The following NFIC variants were observed in gnomAD, a reference collection of about 807,000 sequenced individuals.
NFIC encodes the protein nuclear factor I C.
NFIC carries 12 observed loss-of-function variants against 54.4 expected under a neutral mutation model. The observed-to-expected ratio is 0.22, with a 90% CI of 0.14 to 0.36. The LOEUF (loss-of-function observed/expected upper bound fraction) is 0.36, where lower values mean the gene tolerates loss of function less well. Among genes scored for constraint, NFIC ranks in the 10% least tolerant of loss-of-function variants. The probability of loss-of-function intolerance (pLI) is 1.00; values close to 1 mark genes in which losing one functional copy is unlikely to be tolerated. For missense variants in NFIC, 575 were observed against 718.2 expected (o/e 0.80, Z 2.28); for synonymous variants, 322 against 319.2 (o/e 1.01, Z -0.09).
chr19:3,418,093 T>C (rs575471603), intron 2 of NFIC, among the ~76,000 whole-genome samples: 2 of 150,648 alleles, frequency 1.3e-5, no homozygotes, highest in East Asian at 3.9e-4. Context: ...AATTTAATTT[T>C]CTTTTCTTTT....
chr19:3,422,665 C>T (rs982110907), intron 2 of NFIC, among the ~76,000 whole-genome samples: 8 of 151,482 alleles, frequency 5.3e-5, no homozygotes, highest in Middle Eastern at 3.2e-3. Context: ...TGCAGTGAGC[C>T]GAGATCATGC....
At chr19:3,439,591 G>A (rs933226775) in intron 6 of NFIC, among the ~76,000 whole-genome samples, 2 of 150,852 alleles carry the variant, frequency 1.3e-5, no homozygotes, top group Non-Finnish European at 3.0e-5. Flanking sequence ...GCAGTGAGCC[G>A]AGATTGTGCC....
chr19:3,443,178 AATCCCAGCACTTTGGG>A (rs947463106), intron 6 of NFIC, among the ~76,000 whole-genome samples: 1 of 152,224 alleles, frequency 6.6e-6, no homozygotes, highest in Non-Finnish European at 1.5e-5. Flanking sequence ...TCACACCTGT[AATCCCAGCACTTTGGG>A]AGGCCAAGGC....
chr19:3,388,819 C>T (rs893418223), intron 2 of NFIC, among the ~76,000 whole-genome samples: 6 of 141,014 alleles, frequency 4.3e-5, no homozygotes, highest in Non-Finnish European at 9.1e-5. Flanking sequence ...CAAGGCAAGA[C>T]CTTATCTCTA....
upstream of NFIC, among the ~76,000 whole-genome samples, chr19:3,362,218 G>T (rs1466036547): frequency 1.3e-5 from 2 of 152,058 alleles, no homozygotes; most frequent in Admixed American, 1.3e-4. Flanking sequence ...TCCACTTGTG[G>T]GTGTGTGTGT....
upstream of NFIC, among the ~76,000 whole-genome samples, chr19:3,365,650 C>T (rs575193626): frequency 1.6e-4 from 25 of 152,318 alleles, no homozygotes; most frequent in South Asian, 5.2e-3. Context: ...GTGAAAAGGG[C>T]ACACCCCTGA....
At chr19:3,417,033 G>A (rs528963313) in intron 2 of NFIC, among the ~76,000 whole-genome samples, 126 of 146,682 alleles carry the variant, frequency 8.6e-4, no homozygotes, top group African/African-American at 2.6e-3. Context: ...ACAGGCGCCC[G>A]CCACCAGGCC....
intron 1 of NFIC, among the ~76,000 whole-genome samples, chr19:3,367,942 C>T (rs1029134906): frequency 1.3e-5 from 2 of 152,192 alleles, no homozygotes; most frequent in Non-Finnish European, 2.9e-5. Flanking sequence ...CACCGGCCCC[C>T]TGCAGCCGAC....
At chr19:3,367,605 C>G (rs2080919893) in intron 1 of NFIC, among the ~76,000 whole-genome samples, 1 of 152,218 alleles carries the variant, frequency 6.6e-6, no homozygotes, top group Admixed American at 6.5e-5. Flanking sequence ...GGGACTCCTT[C>G]CAGCCCAGGC....
rs1456995926 is a variant in NFIC at position 3,433,477 on chromosome 19, G to A, written c.635-41G>A. 2.5e-6 allele frequency: 4 copies of A among 1,607,758 alleles called. No individual in the cohort carries two copies. In the African/African-American group the frequency reaches 5.3e-5, roughly 21 times the overall value. The stretch of plus-strand genomic sequence containing the variant: ...CCTGGAGTGTGGGGAAGGGAAACAG[G>A]CCCAGCTCAGCCTACTGACCCCGCT... On this transcript the variant is annotated intron_variant, in intron 3 of 10. Coordinates refer to ENST00000443272, the MANE Select transcript of NFIC (RefSeq NM_001245002.2).
In NFIC at chr19:3,465,897, T is replaced by A. The variant is rs1056574619; in HGVS notation, c.*3128T>A. 2 of 151,382 alleles carry A rather than the reference T, an allele frequency of 1.3e-5. No homozygotes were observed. The highest frequency in any genetic ancestry group is 4.8e-5 in the African/African-American group (2 of 41,258). 9.4% of individuals were successfully genotyped at this position (151,382 alleles called of 1,614,324 possible). On this transcript the variant is annotated 3_prime_UTR_variant, in exon 11 of 11. Coordinates refer to ENST00000443272, the MANE Select transcript of NFIC (RefSeq NM_001245002.2). The stretch of plus-strand genomic sequence containing the variant: ...CACCCCCTCTCCCCTGCCCCGTGCA[T>A]CCCCACCCTTCTTGCCAAAGGACCT...
chr19:3,406,110 T>C (rs939858189), intron 2 of NFIC, among the ~76,000 whole-genome samples: 3 of 151,136 alleles, frequency 2.0e-5, no homozygotes, highest in Non-Finnish European at 3.0e-5. Context: ...TTTGTTTGTT[T>C]GAGACAGAGT....
In NFIC at chr19:3,452,657, A is replaced by T. The variant is rs935061959; in HGVS notation, c.1260A>T (p.Gln420His). The T allele has an allele frequency of 1.2e-5, 19 of 1,606,654 alleles. No individual in the cohort carries two copies. Among genetic ancestry groups the T allele is most frequent in the Non-Finnish European group, 1.5e-5 (18 of 1,176,782 alleles). The change falls in exon 8 of 11, where the codon CAA becomes CAT. Residue 420 changes from glutamine (Q) to histidine (H), a missense_variant. Gln to His is a conservative substitution (Grantham distance 24, BLOSUM62 0). Coordinates refer to ENST00000443272, the MANE Select transcript of NFIC (RefSeq NM_001245002.2). This position sits in a 1 kb window ranked among gnomAD's most constrained non-coding sequence, Gnocchi z 5.3. ...TGGCCTGCGACCCAGCCAGCCAGCA[A>T]CCTGGACCGGTGAGTTGGGCGGGGC... is the stretch of plus-strand genomic sequence containing the variant. ...VSLACDPASQ[Q>H]PGPLNGSGQL... is the part of the protein sequence containing the mutation.
Position 3,458,541 on chromosome 19 carries a change from G to A in NFIC, c.1509+1906G>A, listed in dbSNP as rs2082594090. Among the ~76,000 whole-genome samples, 1 of 152,172 alleles carries A rather than the reference G, an allele frequency of 6.6e-6. No individual in the cohort carries two copies. The highest frequency in any genetic ancestry group is 2.1e-4 in the South Asian group (1 of 4,834). The stretch of plus-strand genomic sequence containing the variant: ...AGGGAAGGGAAACTGAGGCAGGCAA[G>A]GGTGGCACCTTTCTCAGCATCCCTA... On this transcript the variant is annotated intron_variant, in intron 10 of 10. Transcript: ENST00000443272. The surrounding 1 kb of genome is among the most constrained non-coding windows in gnomAD (Gnocchi z 4.1).
At chr19:3,392,067 CTTTT>C (rs781703569) in intron 2 of NFIC, among the ~76,000 whole-genome samples, 2 of 101,316 alleles carry the variant, frequency 2.0e-5, no homozygotes, top group Non-Finnish European at 3.8e-5. Context: ...GATAATAGCT[CTTTT>C]TTTTTTTTTT....
chr19:3,376,575 A>G (rs555587037), intron 1 of NFIC, among the ~76,000 whole-genome samples: 129 of 152,228 alleles, frequency 8.5e-4, no homozygotes, highest in African/African-American at 3.1e-3. Flanking sequence ...CATCTCTGCA[A>G]AAATAAAAAT....
chr19:3,463,614 G>GGCCCCCCCCCCCCC lies in NFIC; in HGVS notation c.*845_*846insGCCCCCCCCCCCCC. 1 of 959,104 alleles carries GGCCCCCCCCCCCCC rather than the reference G, an allele frequency of 1.0e-6. No homozygotes were observed. Among genetic ancestry groups the GGCCCCCCCCCCCCC allele is most frequent in the Non-Finnish European group, 1.2e-6 (1 of 807,846 alleles). The allele number at this position is 959,104 out of a possible 1,614,324, so 59.4% of individuals were successfully genotyped here. On this transcript the variant is annotated 3_prime_UTR_variant, in exon 11 of 11. Coordinates refer to ENST00000443272, the MANE Select transcript of NFIC (RefSeq NM_001245002.2). ...GGGAGGAGAAGTCTCTATGCAATTG[G>GGCCCCCCCCCCCCC]CCCCGGCCCCTCCACCCCCCACCCC... is the stretch of plus-strand genomic sequence containing the variant.
rs1244660084 is a variant in NFIC at position 3,467,781 on chromosome 19, A to ATATATATATATATATATATATG, written c.*5020_*5021insTATATATATATATGTATATATA. 152 of 135,104 alleles carry ATATATATATATATATATATATG rather than the reference A, an allele frequency of 1.1e-3. 3 individuals carry two copies. The highest frequency in any genetic ancestry group is 3.7e-3 in the African/African-American group (121 of 33,144). 8.4% of individuals were successfully genotyped at this position (135,104 alleles called of 1,614,324 possible). ...TACATATATATATATATATATATAT[A>ATATATATATATATATATATATG]TATATATAATTTTGGAATTTGTTTC... On this transcript the variant is annotated 3_prime_UTR_variant, in exon 11 of 11. Coordinates refer to ENST00000443272, the MANE Select transcript of NFIC (RefSeq NM_001245002.2).
At chr19:3,384,325 C>A (rs1035162474) in intron 2 of NFIC, among the ~76,000 whole-genome samples, 6 of 151,956 alleles carry the variant, frequency 3.9e-5, no homozygotes, top group Non-Finnish European at 7.4e-5. Flanking sequence ...CCTTGGCCTC[C>A]CAAAGTGTTA....
Sources: allele counts gnomAD v4.1 joint callset (sites outside exome capture counted in the v4.1 genomes callset), GRCh38; gene constraint gnomAD v4.1.1; non-coding constraint Gnocchi (gnomAD v3.1); transcripts MANE v1.5; gene names NCBI Gene and HGNC (gene_info 2026-07-23, HGNC 2026-07-21).